The following SRGAP2 variants were observed in gnomAD, a reference collection of about 807,000 sequenced individuals.
SRGAP2 encodes the protein SLIT-ROBO Rho GTPase-activating protein 2.
A neutral mutation model predicts 57.2 loss-of-function variants in SRGAP2; 15 were observed. The ratio of observed to expected loss-of-function variants is 0.26; its 90% CI spans 0.18 to 0.40. The LOEUF is 0.40. SRGAP2 is among the 10% of genes least tolerant of loss of function. The pLI, the probability that SRGAP2 is intolerant of heterozygous loss-of-function variation, is 1.00. For synonymous variants in SRGAP2, 249 were observed against 248.0 expected (o/e 1.00, Z -0.04); for missense variants, 520 against 669.6 (o/e 0.78, Z 2.47).
chr1:206,431,593 A>G (rs540214198), intron 14 of SRGAP2, among the ~76,000 whole-genome samples: 4 of 152,264 alleles, frequency 2.6e-5, no homozygotes, highest in Non-Finnish European at 5.9e-5. Flanking sequence ...TCATTCATTG[A>G]ACGAATACAT....
intron 2 of SRGAP2, among the ~76,000 whole-genome samples, chr1:206,243,496 G>T (rs1668361652): frequency 6.6e-6 from 1 of 152,102 alleles, no homozygotes; most frequent in Non-Finnish European, 1.5e-5. Context: ...TCTGAATGTG[G>T]ACTATGGCTG....
chr1:206,389,144 G>A (rs1255041452), intron 5 of SRGAP2, among the ~76,000 whole-genome samples: 4 of 149,410 alleles, frequency 2.7e-5, no homozygotes, highest in Admixed American at 6.7e-5. Context: ...GGATCTTGGG[G>A]CCTCACTGTT....
At chr1:206,424,505 A>G (rs1660620622) in intron 13 of SRGAP2, among the ~76,000 whole-genome samples, 2 of 152,156 alleles carry the variant, frequency 1.3e-5, no homozygotes, top group Non-Finnish European at 2.9e-5. Context: ...AAACAGAAAA[A>G]TTAGCCAGCC....
rs1489733599 is a variant in SRGAP2 at position 206,304,603 on chromosome 1, G to A, written c.260+1130G>A. Among the ~76,000 whole-genome samples, 10 of 152,110 alleles carry A rather than the reference G, an allele frequency of 6.6e-5. No individual in the cohort carries two copies. In the South Asian group the frequency reaches 8.3e-4, roughly 13 times the overall value. On this transcript the variant is annotated intron_variant, in intron 3 of 22. Transcript: ENST00000573034. ...CTGGCCCCCATGCAGCCCACAGGCC[G>A]TAGGTTGGACAAGCTTGGTCTACAG...
Position 206,461,170 on chromosome 1 carries a change from C to T in SRGAP2, c.2966C>T (p.Thr989Met), listed in dbSNP as rs191430839. Reference protein sequence around the residue: ...PLKTSPVVAPTSEPSSPLHTQ... With the variant: ...PLKTSPVVAPMSEPSSPLHTQ... The stretch of plus-strand genomic sequence containing the variant: ...AAAACCTCCCCAGTGGTGGCCCCCA[C>T]GTCAGAGCCCTCCAGCCCTCTGCAC... Residue 989 changes from threonine (T) to methionine (M), a missense_variant, in exon 23 of 23, where the codon ACG (threonine) becomes ATG (methionine). Around this residue, in one of 5 missense-constraint regions of SRGAP2, gnomAD observed 478 missense variants for 373.6 expected, o/e 1.28. Transcript: ENST00000573034. 2.0e-4 allele frequency: 155 copies of T among 780,668 alleles called. 4 individuals carry two copies. Among genetic ancestry groups the T allele is most frequent in the Admixed American group, 1.9e-3 (114 of 59,010 alleles). 48.4% of individuals were successfully genotyped at this position (780,668 alleles called of 1,614,324 possible). A position where few individuals can be genotyped will look rare whatever the true frequency, so the allele number is the denominator to read the frequency against.
rs578193504 is a variant in SRGAP2 at position 206,446,951 on chromosome 1, C to G, written c.2099+652C>G. ...CTAGACCCCTCTGTTTGACAAAGAA[C>G]AAATCACTATTTCTATTTTATGGAT... On this transcript the variant is annotated intron_variant, in intron 18 of 22. Coordinates refer to ENST00000573034, the MANE Select transcript of SRGAP2 (RefSeq NM_015326.5). 3.9e-5 allele frequency among the ~76,000 whole-genome samples: 6 copies of G among 152,268 alleles called. No homozygotes were observed. The South Asian group carries it at 1.2e-3, about 32-fold the overall frequency.
At chr1:206,431,282 A>G (rs1661258057) in intron 14 of SRGAP2, among the ~76,000 whole-genome samples, 1 of 152,232 alleles carries the variant, frequency 6.6e-6, no homozygotes, top group Non-Finnish European at 1.5e-5. Context: ...TCCCTGATCA[A>G]TGCTGGGTAC....
intron 10 of SRGAP2, among the ~76,000 whole-genome samples, chr1:206,412,629 C>T (rs1434875951): frequency 2.0e-5 from 3 of 152,132 alleles, no homozygotes; most frequent in African/African-American, 7.2e-5. Context: ...ATAAGCAGCC[C>T]TTTTCCTGGC....
At chr1:206,394,550 G>GTC (rs1169306732) in intron 7 of SRGAP2, among the ~76,000 whole-genome samples, 5 of 152,148 alleles carry the variant, frequency 3.3e-5, no homozygotes, top group Admixed American at 6.5e-5. Flanking sequence ...GAAGCTCAAG[G>GTC]TCCAGAGGAC....
chr1:206,307,512 C>T (rs1443964979), intron 3 of SRGAP2, among the ~76,000 whole-genome samples: 2 of 152,024 alleles, frequency 1.3e-5, no homozygotes, highest in South Asian at 2.1e-4. Context: ...GGGTGGTGCT[C>T]GTCGGGGAGG....
chr1:206,434,652 T>A, intron 14 of SRGAP2, among the ~76,000 whole-genome samples: 1 of 152,238 alleles, frequency 6.6e-6, no homozygotes, highest in East Asian at 1.9e-4. Context: ...AGATTCTGTC[T>A]GTTGAGCAAG....
At chr1:206,209,626 T>C (rs535096556) in intron 2 of SRGAP2, among the ~76,000 whole-genome samples, 1 of 151,848 alleles carries the variant, frequency 6.6e-6, no homozygotes, top group East Asian at 1.9e-4. Context: ...TTGAAAGCAA[T>C]AATATTCTTA....
Position 206,413,148 on chromosome 1 carries a change from C to T in SRGAP2, c.1357-2741C>T, listed in dbSNP as rs781688523. On this transcript the variant is annotated intron_variant, in intron 10 of 22. Transcript: ENST00000573034. ...GTAGTGAGAGGAAGGAATTTGTATC[C>T]ATCTCCTTTGAGAACTGTGGCTGTT... 7.7e-4 allele frequency among the ~76,000 whole-genome samples: 117 copies of T among 152,290 alleles called. 2 individuals carry two copies. The highest frequency in any genetic ancestry group is 1.0e-3 in the Non-Finnish European group (71 of 68,018).
At chr1:206,323,319 A>G (rs1300901002) in intron 3 of SRGAP2, among the ~76,000 whole-genome samples, 1 of 152,234 alleles carries the variant, frequency 6.6e-6, no homozygotes, top group East Asian at 1.9e-4. Flanking sequence ...GATGGAGCAG[A>G]TTCAGGAGAA....
chr1:206,327,068 T>C (rs1465219060), intron 3 of SRGAP2, among the ~76,000 whole-genome samples: 1 of 152,090 alleles, frequency 6.6e-6, no homozygotes. Flanking sequence ...GGTTCACACC[T>C]GTAATCCCAG....
rs1432374451 is a variant in SRGAP2 at position 206,461,258 on chromosome 1, C to G, written c.3054C>G (p.Ile1018Met). The change falls in exon 23 of 23, where the codon ATC (isoleucine) becomes ATG (methionine). Residue 1018 changes from isoleucine to methionine, a missense_variant. Transcript: ENST00000573034. Reference sequence around the variant, plus strand: ...GCAGCGCCAGTACTGCTGGGGACATCGCCTGCGCCTTCCGGCCTGTCAAGT... The same window carrying G: ...GCAGCGCCAGTACTGCTGGGGACATGGCCTGCGCCTTCCGGCCTGTCAAGT... ...FQRSASTAGD[I>M]ACAFRPVKSV... 1 of 780,778 alleles carries G rather than the reference C, an allele frequency of 1.3e-6. No homozygotes were observed. Among genetic ancestry groups the G allele is most frequent in the African/African-American group, 1.7e-5 (1 of 59,134 alleles). The allele number at this position is 780,778 out of a possible 1,614,324, so 48.4% of individuals were successfully genotyped here. A position where few individuals can be genotyped will look rare whatever the true frequency, so the allele number is the denominator to read the frequency against.
chr1:206,209,517 T>C (rs1202780173), intron 2 of SRGAP2, among the ~76,000 whole-genome samples: 1 of 152,092 alleles, frequency 6.6e-6, no homozygotes, highest in Non-Finnish European at 1.5e-5. Context: ...TGTGCCTCCT[T>C]AGTCAGCCTG....
At position 206,461,713 on chromosome 1, in the gene SRGAP2, A is replaced by G. The variant is rs547788069; in HGVS notation, c.*293A>G. 1 of 344,746 alleles carries G rather than the reference A, an allele frequency of 2.9e-6. No individual in the cohort carries two copies. The highest frequency in any genetic ancestry group is 5.3e-6 in the Non-Finnish European group (1 of 188,296). 21.4% of individuals were successfully genotyped at this position (344,746 alleles called of 1,614,324 possible). A position where few individuals can be genotyped will look rare whatever the true frequency, so the allele number is the denominator to read the frequency against. ...TTATCAGGTCACTGTGAAATCTGGT[A>G]AGGCAGTCCTGAGGACATGGGCTCA... On this transcript the variant is annotated 3_prime_UTR_variant, in exon 23 of 23. Coordinates refer to ENST00000573034, the MANE Select transcript of SRGAP2 (RefSeq NM_015326.5).
intron 3 of SRGAP2, among the ~76,000 whole-genome samples, chr1:206,340,206 C>A (rs1262523125): frequency 2.0e-5 from 3 of 147,718 alleles, no homozygotes; most frequent in Non-Finnish European, 4.4e-5. Context: ...TTTGAGGACA[C>A]CCTGGGGATA....
Sources: gnomAD v4.1 joint callset for allele counts (sites outside exome capture counted in the v4.1 genomes callset) on GRCh38, gnomAD v4.1.1 for gene constraint, gnomAD v4.1.1 regional missense constraint, MANE v1.5 for transcripts, NCBI Gene and HGNC (gene_info 2026-07-23, HGNC 2026-07-21) for gene names.